The following SATL1 variants were observed in gnomAD, a reference collection of about 807,000 sequenced individuals.
SATL1 encodes the protein spermidine/spermine N1-acetyl transferase like 1.
In SATL1, 47 loss-of-function variants were observed where a neutral mutation model predicts 51.8. That is an observed-to-expected ratio of 0.91 (90% CI 0.72 to 1.16). The LOEUF is 1.16. Ranked by LOEUF, SATL1 falls within the 50% of genes most tolerant of loss-of-function variation. The probability of loss-of-function intolerance (pLI) is 0.00; values close to 1 mark genes in which losing one functional copy is unlikely to be tolerated. For synonymous variants in SATL1, 176 were observed against 182.4 expected, an observed-to-expected ratio of 0.97 and a Z score of 0.28; for missense variants, 520 against 526.4, an observed-to-expected ratio of 0.99 and a Z score of 0.12.
At chrX:85,222,287 A>G (rs1035929921) in intron 2 of SATL1, among the ~76,000 whole-genome samples, 2 of 111,733 alleles carry the variant, frequency 1.8e-5, no homozygotes, top group African/African-American at 6.5e-5. Context: ...ATTAAATAAG[A>G]CATGTAAAAC....
At chrX:85,156,714 C>G (rs997530430) in intron 2 of SATL1, among the ~76,000 whole-genome samples, 1 of 103,897 alleles carries the variant, frequency 9.6e-6, no homozygotes, top group East Asian at 3.0e-4. Context: ...CCTAAGGCAG[C>G]CTTGGGGAAA....
intron 2 of SATL1, among the ~76,000 whole-genome samples, chrX:85,123,282 G>A (rs1925546837): frequency 9.0e-6 from 1 of 111,193 alleles, no homozygotes; most frequent in African/African-American, 3.3e-5. Context: ...ATTCCCACCA[G>A]GAATGTGTGT....
At chrX:85,106,555 C>A (rs1925046729) in intron 3 of SATL1, among the ~76,000 whole-genome samples, 2 of 112,025 alleles carry the variant, frequency 1.8e-5, no homozygotes, top group South Asian at 3.7e-4. Flanking sequence ...CATATTTACT[C>A]CATAAAGAAC....
intron 2 of SATL1, among the ~76,000 whole-genome samples, chrX:85,150,810 G>A (rs371108231): frequency 9.3e-6 from 1 of 107,808 alleles, no homozygotes; most frequent in Non-Finnish European, 1.9e-5. Context: ...TTGATGGGAC[G>A]TATCTCAAAA....
intron 2 of SATL1, among the ~76,000 whole-genome samples, chrX:85,160,130 C>T (rs1926686645): frequency 9.1e-6 from 1 of 110,470 alleles, no homozygotes; most frequent in Non-Finnish European, 1.9e-5. Flanking sequence ...ACCCACCTTA[C>T]ACCATAATCA....
At chrX:85,103,450 T>C (rs980740725) in intron 4 of SATL1, among the ~76,000 whole-genome samples, 15 of 112,011 alleles carry the variant, frequency 1.3e-4, no homozygotes, top group Non-Finnish European at 1.9e-4. Context: ...CCTAAAATGT[T>C]CCAATTCAGA....
chrX:85,093,822 C>T (rs762554930), intron 6 of SATL1, among the ~76,000 whole-genome samples: 32 of 112,135 alleles, frequency 2.9e-4, no homozygotes, highest in African/African-American at 9.4e-4. Flanking sequence ...CGTGATCACA[C>T]CACTGCATTC....
At chrX:85,193,144 TTACC>T (rs1399567150) in intron 2 of SATL1, among the ~76,000 whole-genome samples, 23 of 111,905 alleles carry the variant, frequency 2.1e-4, no homozygotes, top group Non-Finnish European at 4.0e-4. Flanking sequence ...CAGATATTGA[TTACC>T]TAATTGATTC....
chrX:85,240,230 A>G (rs1462391614), intron 1 of SATL1, among the ~76,000 whole-genome samples: 2 of 112,106 alleles, frequency 1.8e-5, no homozygotes, highest in African/African-American at 3.2e-5. Flanking sequence ...TAGCTATTAG[A>G]CAAATTATTA....
At chrX:85,230,882 T>A (rs1928367466) in intron 1 of SATL1, among the ~76,000 whole-genome samples, 1 of 112,043 alleles carries the variant, frequency 8.9e-6, no homozygotes, top group African/African-American at 3.2e-5. Context: ...AGAAGTAACA[T>A]CACATCTGTT....
intron 2 of SATL1, among the ~76,000 whole-genome samples, chrX:85,155,842 A>G (rs1209801061): frequency 1.8e-5 from 2 of 111,710 alleles, no homozygotes; most frequent in South Asian, 3.7e-4. Flanking sequence ...AATGAAGTTA[A>G]AATTACCTAC....
intron 2 of SATL1, among the ~76,000 whole-genome samples, chrX:85,135,761 A>ATTTTTTTTTTT (rs1569234174): frequency 2.0e-5 from 2 of 102,528 alleles, no homozygotes; most frequent in African/African-American, 7.5e-5. Context: ...TGTACTTTTC[A>ATTTTTTTTTTT]TAGAGATGGG....
At chrX:85,132,396 A>G (rs1406658075) in intron 2 of SATL1, among the ~76,000 whole-genome samples, 1 of 110,454 alleles carries the variant, frequency 9.1e-6, no homozygotes, top group Non-Finnish European at 1.9e-5. Flanking sequence ...CATTTCATTA[A>G]TTTGATCTTC....
rs959436 is a variant in SATL1, at chrX:85,106,812, G to A, written c.1641+516C>T. ...ATCAATGAACTGTCTGAAAATGTATGGAAAATTTGTTGCATGTGAATATTG... is the reference window on the plus strand; with the variant it reads ...ATCAATGAACTGTCTGAAAATGTATAGAAAATTTGTTGCATGTGAATATTG... On this transcript the variant is annotated intron_variant, in intron 3 of 7. Coordinates refer to ENST00000644105, the MANE Select transcript of SATL1 (RefSeq NM_001367857.2). Among the ~76,000 whole-genome samples, 744 of 112,026 alleles carry A rather than the reference G, an allele frequency of 6.6e-3. 9 individuals carry two copies. The highest frequency in any genetic ancestry group is 0.023 in the African/African-American group (713 of 30,805).
chrX:85,133,301 G>A (rs7060131), intron 2 of SATL1, among the ~76,000 whole-genome samples: 255 of 111,983 alleles, frequency 2.3e-3, no homozygotes, highest in African/African-American at 7.9e-3. Context: ...GTTGAGCTGC[G>A]GTGGGCTCCA....
intron 2 of SATL1, chrX:85,143,413 A>G (rs768073552): frequency 9.0e-6 from 1 of 111,417 alleles, no homozygotes; most frequent in Non-Finnish European, 1.9e-5. Context: ...GCCTTCTTCT[A>G]TCTTACTCTC....
At chrX:85,191,040 G>C (rs1382691970) in intron 2 of SATL1, among the ~76,000 whole-genome samples, 1 of 108,395 alleles carries the variant, frequency 9.2e-6, no homozygotes, top group Non-Finnish European at 1.9e-5. Context: ...AACGGGTGCA[G>C]CACACCAACA....
chrX:85,109,027 A>G lies in SATL1; in HGVS notation c.-59T>C. On this transcript the variant is annotated 5_prime_UTR_variant, in exon 3 of 8. Transcript: ENST00000644105. ...GGGGTGGCAGATGATGGGTTGGCAG[A>G]CAACTGATTGGCTGATGGCTGTCTT... The G allele has an allele frequency of 9.5e-7, 1 of 1,050,700 alleles. No individual in the cohort carries two copies. 86.6% of individuals were successfully genotyped at this position (1,050,700 alleles called of 1,213,427 possible).
At chrX:85,115,734 G>T (rs1204850700) in intron 2 of SATL1, among the ~76,000 whole-genome samples, 1 of 111,971 alleles carries the variant, frequency 8.9e-6, no homozygotes, top group Non-Finnish European at 1.9e-5. Context: ...AATAGGCAGC[G>T]TGGGTTCTTT....
Sources: gnomAD v4.1 joint callset for allele counts (sites outside exome capture counted in the v4.1 genomes callset) on GRCh38, gnomAD v4.1.1 for gene constraint, MANE v1.5 for transcripts, NCBI Gene and HGNC (gene_info 2026-07-23, HGNC 2026-07-21) for gene names.